Variants in NFATC3 observed in about 807,000 individuals in gnomAD.
The protein encoded by NFATC3 is nuclear factor of activated T cells 3.
In NFATC3, 46 loss-of-function variants were observed where a neutral mutation model predicts 98.6. The ratio of observed to expected loss-of-function variants is 0.47; its 90% CI spans 0.37 to 0.60. The LOEUF (loss-of-function observed/expected upper bound fraction) is 0.60. Ranked by LOEUF, NFATC3 falls within the 20% of genes least tolerant of loss-of-function variation. The probability of loss-of-function intolerance (pLI) is 0.00; values close to 1 mark genes in which losing one functional copy is unlikely to be tolerated. For missense variants in NFATC3, 1,256 were observed against 1,295.5 expected (o/e 0.97, Z 0.47); for synonymous variants, 512 against 472.2 (o/e 1.08, Z -1.09).
At chr16:68,109,545 T>C (rs2035835723) in intron 1 of NFATC3, among the ~76,000 whole-genome samples, 1 of 152,190 alleles carries the variant, frequency 6.6e-6, no homozygotes, top group Non-Finnish European at 1.5e-5. Context: ...CTTTTTTTGT[T>C]ATATCTCTTT....
At chr16:68,090,869 T>A (rs1014323518) in intron 1 of NFATC3, among the ~76,000 whole-genome samples, 6 of 152,210 alleles carry the variant, frequency 3.9e-5, no homozygotes, top group African/African-American at 1.4e-4. Flanking sequence ...GTAGTGAGAA[T>A]ATGTATTAGA....
At chr16:68,181,660 G>T in intron 7 of NFATC3, 130 bp downstream of exon 7, 1 of 628,398 alleles carries the variant, frequency 1.6e-6, no homozygotes, top group South Asian at 1.9e-5. Context: ...GCTGGGCATG[G>T]TGGCTCATGC....
At chr16:68,150,917 C>T (rs1203711106) in intron 3 of NFATC3, among the ~76,000 whole-genome samples, 1 of 152,160 alleles carries the variant, frequency 6.6e-6, no homozygotes, top group African/African-American at 2.4e-5. Flanking sequence ...TGCCTTGGTT[C>T]CCCTTTACCT....
At chr16:68,201,980 A>AG in intron 9 of NFATC3, among the ~76,000 whole-genome samples, 3 of 151,174 alleles carry the variant, frequency 2.0e-5, no homozygotes, top group Non-Finnish European at 2.9e-5. Flanking sequence ...AAAAAAAAAA[A>AG]AAAAGATTAT....
intron 3 of NFATC3, among the ~76,000 whole-genome samples, chr16:68,156,540 C>G (rs1360925201): frequency 1.3e-5 from 2 of 152,144 alleles, no homozygotes; most frequent in African/African-American, 4.8e-5. Context: ...GAAAATTAAT[C>G]TGTGTAATTT....
At chr16:68,103,769 C>T (rs534976906) in intron 1 of NFATC3, among the ~76,000 whole-genome samples, 1 of 152,194 alleles carries the variant, frequency 6.6e-6, no homozygotes, top group East Asian at 1.9e-4. Flanking sequence ...TGTGATAATC[C>T]AGTTTTCCCA....
At chr16:68,157,846 CT>C in intron 3 of NFATC3, 22 bp from the exon 4 acceptor site, 1 of 1,595,596 alleles carries the variant, frequency 6.3e-7, no homozygotes, top group Non-Finnish European at 8.6e-7. Context: ...TTGTGCTTTT[CT>C]GTGTTTCTTT....
intron 3 of NFATC3, among the ~76,000 whole-genome samples, chr16:68,127,372 A>G (rs1392460122): frequency 6.6e-6 from 1 of 152,180 alleles, no homozygotes; most frequent in Non-Finnish European, 1.5e-5. Flanking sequence ...ATGGATAGCT[A>G]GAAAAATGAA....
intron 9 of NFATC3, among the ~76,000 whole-genome samples, chr16:68,204,672 G>A (rs976667703): frequency 6.6e-6 from 1 of 152,068 alleles, no homozygotes; most frequent in Non-Finnish European, 1.5e-5. Flanking sequence ...TCTCGCTTTC[G>A]TAAAGACAAT....
At chr16:68,215,873 C>T (rs1250706590) in intron 9 of NFATC3, among the ~76,000 whole-genome samples, 4 of 151,772 alleles carry the variant, frequency 2.6e-5, no homozygotes, top group Non-Finnish European at 5.9e-5. Flanking sequence ...GACTACAAGG[C>T]GCCTGCCACC....
At chr16:68,172,573 G>A (rs974994555) in intron 5 of NFATC3, among the ~76,000 whole-genome samples, 4 of 152,060 alleles carry the variant, frequency 2.6e-5, no homozygotes, top group Non-Finnish European at 5.9e-5. Flanking sequence ...TTGAGCCCAG[G>A]AGTTGGAGAC....
chr16:68,187,130 G>A (rs2040238144), intron 8 of NFATC3, among the ~76,000 whole-genome samples: 1 of 152,224 alleles, frequency 6.6e-6, no homozygotes, highest in Non-Finnish European at 1.5e-5. Context: ...TGGCTATGGA[G>A]GGTCTGGCAG....
intron 7 of NFATC3, 141 bp from the exon 8 acceptor site, chr16:68,183,099 C>T: frequency 1.3e-6 from 1 of 782,736 alleles, no homozygotes; most frequent in Non-Finnish European, 2.0e-6. Flanking sequence ...AGTAAATCTC[C>T]AGATGATGTA....
chr16:68,098,292 TTATTATTA>T (rs2035131986), intron 1 of NFATC3, among the ~76,000 whole-genome samples: 2 of 125,180 alleles, frequency 1.6e-5, no homozygotes, highest in Non-Finnish European at 3.3e-5. Context: ...ATTATTATTA[TTATTATTA>T]TTTTTTTTTT....
At position 68,226,924 on chromosome 16, in the gene NFATC3, G is replaced by GAAAAAA. The variant is rs1567559802; in HGVS notation, c.*457_*462dup. The GAAAAAA allele has an allele frequency of 2.3e-5, 2 of 85,484 alleles. No individual in the cohort carries two copies. Among genetic ancestry groups the GAAAAAA allele is most frequent in the African/African-American group, 8.9e-5 (2 of 22,390 alleles). 5.3% of individuals were successfully genotyped at this position (85,484 alleles called of 1,614,324 possible). A position where few individuals can be genotyped will look rare whatever the true frequency, so the allele number is the denominator to read the frequency against. On this transcript the variant is annotated 3_prime_UTR_variant, in exon 10 of 10. Coordinates refer to ENST00000346183, the MANE Select transcript of NFATC3 (RefSeq NM_173165.3). Reference sequence around the variant, plus strand: ...AAAAAAAAAAAAAAAAAAAAAAAAAGAAAAAAAAAGAAAAGAAAAAAAGAA... The same window carrying GAAAAAA: ...AAAAAAAAAAAAAAAAAAAAAAAAAGAAAAAAAAAAAAAAAGAAAAGAAAAAAAGAA...
chr16:68,116,325 A>C (rs1271491037), intron 1 of NFATC3, among the ~76,000 whole-genome samples: 3 of 152,104 alleles, frequency 2.0e-5, no homozygotes, highest in Admixed American at 6.5e-5. Flanking sequence ...TTGGTGGGCC[A>C]GACTTGGCAC....
At chr16:68,085,847 TC>T (rs2034337919) in intron 1 of NFATC3, 63 bp downstream of exon 1, 1 of 1,242,608 alleles carries the variant, frequency 8.0e-7, no homozygotes, top group Non-Finnish European at 1.1e-6. Context: ...GATCTCTCGC[TC>T]CCTCCCTGTT....
chr16:68,218,514 C>CAAAAA (rs1326968858), intron 9 of NFATC3, among the ~76,000 whole-genome samples: 12 of 59,418 alleles, frequency 2.0e-4, no homozygotes, highest in Admixed American at 5.7e-4. Flanking sequence ...GAGAGCCTCT[C>CAAAAA]AAAAAAAAAA....
At chr16:68,096,166 G>A (rs946292941) in intron 1 of NFATC3, among the ~76,000 whole-genome samples, 6 of 152,032 alleles carry the variant, frequency 3.9e-5, no homozygotes, top group Non-Finnish European at 1.5e-5. Context: ...GAGTCTTTCT[G>A]TGTTGCCCAG....
Sources: gnomAD v4.1 joint callset for allele counts (sites outside exome capture counted in the v4.1 genomes callset) on GRCh38, gnomAD v4.1.1 for gene constraint, MANE v1.5 for transcripts, NCBI Gene and HGNC (gene_info 2026-07-23, HGNC 2026-07-21) for gene names.